The following FRMPD4 variants were observed in gnomAD, a reference collection of about 807,000 sequenced individuals.
The protein encoded by FRMPD4 is FERM and PDZ domain-containing protein 4.
Under a neutral mutation model 94.1 loss-of-function variants are expected in FRMPD4, and 22 were observed. The observed-to-expected ratio is 0.23, with a 90% confidence interval of 0.17 to 0.33. The LOEUF (loss-of-function observed/expected upper bound fraction) is 0.33. Among genes scored for constraint, FRMPD4 ranks in the 10% least tolerant of loss-of-function variants. FRMPD4 has a pLI of 1.00. For missense variants in FRMPD4, 1,111 were observed against 1,339.9 expected (o/e 0.83, Z 2.67); for synonymous variants, 631 against 548.6 (o/e 1.15, Z -2.10).
intron 1 of FRMPD4, among the ~76,000 whole-genome samples, chrX:12,221,175 A>T (rs185369992): frequency 7.1e-4 from 80 of 112,201 alleles, no homozygotes; most frequent in African/African-American, 2.6e-3. Flanking sequence ...TACTTATTAA[A>T]CACTTCTCTG....
intron 1 of FRMPD4, among the ~76,000 whole-genome samples, chrX:12,289,134 G>C: frequency 9.0e-6 from 1 of 111,159 alleles, no homozygotes; most frequent in East Asian, 2.8e-4. Context: ...GGTTTCTAGT[G>C]CTTGGGGAGA....
intron 3 of FRMPD4, among the ~76,000 whole-genome samples, chrX:12,004,764 G>A (rs1270295235): frequency 3.7e-5 from 4 of 106,830 alleles, no homozygotes; most frequent in Non-Finnish European, 7.7e-5. Flanking sequence ...AGGGGTAAAC[G>A]TTCTGTCCAG....
At chrX:12,683,659 G>C in intron 6 of FRMPD4, 72 bp downstream of exon 6, 1 of 538,441 alleles carries the variant, frequency 1.9e-6, no homozygotes, top group South Asian at 3.0e-5. Flanking sequence ...TCAAAACAAA[G>C]TCAGTAGTCC....
At chrX:11,837,735 G>T (rs6640787) in intron 1 of FRMPD4, among the ~76,000 whole-genome samples, 11,398 of 110,797 alleles carry the variant, frequency 0.1, 603 homozygotes, top group East Asian at 0.26. Context: ...ATTTTTGTTT[G>T]CCCCTGGATG....
intron 2 of FRMPD4, among the ~76,000 whole-genome samples, chrX:12,588,624 A>G (rs1423314500): frequency 8.9e-6 from 1 of 112,168 alleles, no homozygotes; most frequent in Non-Finnish European, 1.9e-5. Context: ...TCACATTTCA[A>G]TTTGCTTTCT....
intron 3 of FRMPD4, among the ~76,000 whole-genome samples, chrX:11,901,003 T>C (rs772528190): frequency 6.3e-5 from 7 of 111,485 alleles, no homozygotes; most frequent in African/African-American, 2.3e-4. Flanking sequence ...TTATTTAGTA[T>C]TTTGGATGTC....
chrX:12,355,567 G>T (rs1341595345), intron 1 of FRMPD4, among the ~76,000 whole-genome samples: 1 of 112,025 alleles, frequency 8.9e-6, no homozygotes, highest in Non-Finnish European at 1.9e-5. Flanking sequence ...TGTAGTAAAT[G>T]ACAAATGTTA....
intron 1 of FRMPD4, among the ~76,000 whole-genome samples, chrX:12,161,012 C>T (rs2056016477): frequency 1.8e-5 from 2 of 111,237 alleles, no homozygotes; most frequent in Admixed American, 1.9e-4. Context: ...TTAGTTATTA[C>T]TTTGCTAGTT....
chrX:12,579,550 C>T (rs762828658), intron 2 of FRMPD4, among the ~76,000 whole-genome samples: 2 of 112,008 alleles, frequency 1.8e-5, no homozygotes, highest in East Asian at 2.8e-4. Flanking sequence ...AGTCAGGGAC[C>T]GGACTGGGCA....
At chrX:12,119,874 T>G (rs954456214) in intron 3 of FRMPD4, among the ~76,000 whole-genome samples, 3 of 112,647 alleles carry the variant, frequency 2.7e-5, no homozygotes, top group South Asian at 3.7e-4. Flanking sequence ...GATACTATAG[T>G]CACAGGAGTA....
chrX:12,722,021 T>C lies in FRMPD4; in HGVS notation c.*163T>C, dbSNP rs1041402039. 2 of 120,133 alleles carry C rather than the reference T, an allele frequency of 1.7e-5. No individual in the cohort carries two copies. The highest frequency in any genetic ancestry group is 6.5e-5 in the African/African-American group (2 of 30,899). 9.9% of individuals were successfully genotyped at this position (120,133 alleles called of 1,213,427 possible). A position where few individuals can be genotyped will look rare whatever the true frequency, so the allele number is the denominator to read the frequency against. ...ACATTGATGAAATGTTGAAATGTACTAATCAGATGTATTCTGTTTATATTA... is the reference window on the plus strand; with the variant it reads ...ACATTGATGAAATGTTGAAATGTACCAATCAGATGTATTCTGTTTATATTA... On this transcript the variant is annotated 3_prime_UTR_variant, in exon 17 of 17. Transcript: ENST00000675598.
At chrX:12,098,052 C>T (rs2055221452) in intron 3 of FRMPD4, among the ~76,000 whole-genome samples, 1 of 112,114 alleles carries the variant, frequency 8.9e-6, no homozygotes. Flanking sequence ...TACAACAGTT[C>T]CAATATCTGC....
chrX:11,861,876 G>A (rs1290069808), intron 1 of FRMPD4, among the ~76,000 whole-genome samples: 3 of 111,807 alleles, frequency 2.7e-5, no homozygotes, highest in Non-Finnish European at 3.8e-5. Flanking sequence ...AAGAGGTTTA[G>A]TTGGCTTATG....
chrX:12,444,892 A>C (rs1302213294), intron 1 of FRMPD4, among the ~76,000 whole-genome samples: 1 of 112,389 alleles, frequency 8.9e-6, no homozygotes, highest in Non-Finnish European at 1.9e-5. Context: ...TTAAGTTTCC[A>C]ACACATGAAC....
intron 3 of FRMPD4, among the ~76,000 whole-genome samples, chrX:11,885,166 T>C (rs1261234185): frequency 2.7e-5 from 3 of 112,048 alleles, no homozygotes; most frequent in African/African-American, 9.7e-5. Context: ...CAAAATATGA[T>C]ATATTCATAC....
rs772729417 is a variant in FRMPD4 at position 12,578,376 on chromosome X, T to A, written c.159-31345T>A. On this transcript the variant is annotated intron_variant, in intron 2 of 16. Coordinates refer to ENST00000675598, the MANE Select transcript of FRMPD4 (RefSeq NM_001368397.1). ...TTGGTGACTAGTTTTATGTTTTTTT[T>A]ATCCACTGTCTACAGTGGGTCATTA... Among the ~76,000 whole-genome samples, 94 of 111,908 alleles carry A rather than the reference T, an allele frequency of 8.4e-4. 1 individual carries two copies. Among genetic ancestry groups the A allele is most frequent in the South Asian group, 2.2e-3 (6 of 2,673 alleles).
chrX:12,713,363 A>T (rs2042021514), intron 14 of FRMPD4, among the ~76,000 whole-genome samples: 1 of 111,216 alleles, frequency 9.0e-6, no homozygotes, highest in African/African-American at 3.3e-5. Context: ...AGAGGCAAAA[A>T]CATAGTTACA....
intron 8 of FRMPD4, among the ~76,000 whole-genome samples, chrX:12,691,869 T>C (rs2060083800): frequency 9.1e-6 from 1 of 109,961 alleles, no homozygotes; most frequent in African/African-American, 3.3e-5. Flanking sequence ...ATGTGCCTAC[T>C]GACATGCTGT....
intron 4 of FRMPD4, among the ~76,000 whole-genome samples, chrX:12,620,351 C>G (rs2059276552): frequency 8.9e-6 from 1 of 112,314 alleles, no homozygotes; most frequent in Non-Finnish European, 1.9e-5. Context: ...AGAAGCAGGC[C>G]TGCGGATCTT....
Sources: gnomAD v4.1 joint callset for allele counts (sites outside exome capture counted in the v4.1 genomes callset) on GRCh38, gnomAD v4.1.1 for gene constraint, MANE v1.5 for transcripts, NCBI Gene and HGNC (gene_info 2026-07-23, HGNC 2026-07-21) for gene names.